The following LRMDA variants were observed in gnomAD, a reference collection of about 807,000 sequenced individuals.
The protein encoded by LRMDA is leucine rich melanocyte differentiation associated.
Under a neutral mutation model 29.8 loss-of-function variants are expected in LRMDA, and 18 were observed. That is an observed-to-expected ratio of 0.60 (90% CI 0.42 to 0.90). The LOEUF (loss-of-function observed/expected upper bound fraction) is 0.90. LRMDA is among the 40% of genes least tolerant of loss of function. The probability of loss-of-function intolerance (pLI) is 0.00; values close to 1 mark genes in which losing one functional copy is unlikely to be tolerated. For synonymous variants in LRMDA, 125 were observed against 109.4 expected (o/e 1.14, Z -0.89); for missense variants, 273 against 273.9 (o/e 1.00, Z 0.02).
chr10:75,850,924 T>C (rs1268916018), intron 2 of LRMDA, among the ~76,000 whole-genome samples: 1 of 152,110 alleles, frequency 6.6e-6, no homozygotes, highest in Non-Finnish European at 1.5e-5. Context: ...TGAGAGAACA[T>C]ATTGTCTCAT....
chr10:76,221,221 A>T (rs1277046319), intron 5 of LRMDA, among the ~76,000 whole-genome samples: 13 of 152,156 alleles, frequency 8.5e-5, no homozygotes, highest in Non-Finnish European at 1.9e-4. Context: ...CAAGACAGGG[A>T]TGCCCTCTCT....
chr10:76,550,165 G>GT (rs1038758698), intron 6 of LRMDA, among the ~76,000 whole-genome samples: 141 of 152,252 alleles, frequency 9.3e-4, no homozygotes, highest in African/African-American at 3.2e-3. Flanking sequence ...AATAGAAATG[G>GT]TTTTTTGTAT....
intron 5 of LRMDA, among the ~76,000 whole-genome samples, chr10:76,265,285 T>A (rs576140306): frequency 6.6e-6 from 1 of 152,206 alleles, no homozygotes; most frequent in East Asian, 1.9e-4. Context: ...CGGTTTGGAG[T>A]TCTTTCTTTG....
chr10:76,368,961 T>C (rs537010600), intron 6 of LRMDA, among the ~76,000 whole-genome samples: 1 of 152,194 alleles, frequency 6.6e-6, no homozygotes, highest in African/African-American at 2.4e-5. Flanking sequence ...AATGCCTTTT[T>C]CCACTCCTTC....
intron 5 of LRMDA, among the ~76,000 whole-genome samples, chr10:76,074,860 C>T (rs560564014): frequency 3.8e-4 from 58 of 152,100 alleles, no homozygotes; most frequent in Non-Finnish European, 5.3e-4. Flanking sequence ...TCCCAGATCC[C>T]GGTGGTTTAG....
chr10:75,513,063 T>C (rs1323411700), intron 2 of LRMDA, among the ~76,000 whole-genome samples: 2 of 152,194 alleles, frequency 1.3e-5, no homozygotes, highest in Non-Finnish European at 2.9e-5. Context: ...ATTAACAGAA[T>C]TGAAAGTTCA....
intron 2 of LRMDA, among the ~76,000 whole-genome samples, chr10:75,664,052 G>T (rs913317391): frequency 6.6e-6 from 1 of 152,166 alleles, no homozygotes; most frequent in Non-Finnish European, 1.5e-5. Flanking sequence ...AGTCCGTAAA[G>T]TTTACTTTGG....
Position 75,751,063 on chromosome 10 carries a change from C to T in LRMDA, c.132-284945C>T, listed in dbSNP as rs192481981. On this transcript the variant is annotated intron_variant, in intron 2 of 6. Coordinates refer to ENST00000611255, the MANE Select transcript of LRMDA (RefSeq NM_001305581.2). Reference sequence around the variant, plus strand: ...GTGAGCGAGACTCCGTCTGCAATCCCGGCACCTCCGGAGTCTGAGGCGGGC... The same window carrying T: ...GTGAGCGAGACTCCGTCTGCAATCCTGGCACCTCCGGAGTCTGAGGCGGGC... 5.7e-3 allele frequency among the ~76,000 whole-genome samples: 875 copies of T among 152,328 alleles called. 7 individuals are homozygous for T. The highest frequency in any genetic ancestry group is 0.02 in the African/African-American group (828 of 41,572).
chr10:76,556,083 T>A (rs1256019593), intron 6 of LRMDA, among the ~76,000 whole-genome samples: 1 of 152,196 alleles, frequency 6.6e-6, no homozygotes, highest in Non-Finnish European at 1.5e-5. Flanking sequence ...TCATAATAAC[T>A]ATGGAAGTGA....
chr10:76,136,717 C>A (rs11001626), intron 5 of LRMDA, among the ~76,000 whole-genome samples: 1 of 151,846 alleles, frequency 6.6e-6, no homozygotes, highest in Non-Finnish European at 1.5e-5. Flanking sequence ...AATAGATGAG[C>A]ACTTTTTGTT....
intron 6 of LRMDA, among the ~76,000 whole-genome samples, chr10:76,490,959 A>C (rs1842828270): frequency 6.6e-6 from 1 of 151,866 alleles, no homozygotes. Context: ...ATTTGAGGTT[A>C]CAAATAATAT....
At chr10:76,214,377 C>T (rs900517348) in intron 5 of LRMDA, among the ~76,000 whole-genome samples, 8 of 120,778 alleles carry the variant, frequency 6.6e-5, no homozygotes, top group South Asian at 2.6e-4. Flanking sequence ...TCTCCTCTGT[C>T]GCCCAGGCCG....
intron 2 of LRMDA, among the ~76,000 whole-genome samples, chr10:75,757,075 C>T (rs1843040875): frequency 6.6e-6 from 1 of 152,224 alleles, no homozygotes; most frequent in Admixed American, 6.5e-5. Flanking sequence ...GCCCAGAAAT[C>T]ACTAAATTCT....
chr10:76,043,272 T>A (rs980853010), intron 3 of LRMDA, among the ~76,000 whole-genome samples: 2 of 152,246 alleles, frequency 1.3e-5, no homozygotes, highest in Non-Finnish European at 2.9e-5. Flanking sequence ...GGTCCCTGCA[T>A]ATTTGTGTTA....
intron 6 of LRMDA, among the ~76,000 whole-genome samples, chr10:76,489,118 A>C (rs951696509): frequency 6.6e-6 from 1 of 151,950 alleles, no homozygotes; most frequent in Non-Finnish European, 1.5e-5. Context: ...TATTTGATAG[A>C]ATTCAGCAGT....
chr10:76,244,201 G>C (rs1316267260), intron 5 of LRMDA, among the ~76,000 whole-genome samples: 1 of 152,084 alleles, frequency 6.6e-6, no homozygotes, highest in Non-Finnish European at 1.5e-5. Context: ...GTAAAAGTTG[G>C]GTTATTACAC....
intron 5 of LRMDA, among the ~76,000 whole-genome samples, chr10:76,150,340 T>A (rs1165550195): frequency 1.3e-5 from 2 of 152,196 alleles, no homozygotes; most frequent in East Asian, 3.9e-4. Flanking sequence ...ACAACTCTTT[T>A]AAAATGTGGC....
At chr10:76,473,152 T>A (rs1167855510) in intron 6 of LRMDA, among the ~76,000 whole-genome samples, 2 of 151,518 alleles carry the variant, frequency 1.3e-5, no homozygotes, top group Non-Finnish European at 3.0e-5. Context: ...GTACAAATAT[T>A]ACACACAATG....
chr10:76,324,259 A>G (rs1840806133), intron 5 of LRMDA, 142 bp from the exon 6 acceptor site: 2 of 762,696 alleles, frequency 2.6e-6, no homozygotes, highest in East Asian at 4.9e-5. Context: ...CTCAACAAAA[A>G]CAGCTCTTGC....
Sources: allele counts gnomAD v4.1 joint callset (sites outside exome capture counted in the v4.1 genomes callset), GRCh38; gene constraint gnomAD v4.1.1; transcripts MANE v1.5; gene names NCBI Gene and HGNC (gene_info 2026-07-23, HGNC 2026-07-21).